SNCAIP: variants seen among roughly 807,000 people sequenced by gnomAD.
The protein encoded by SNCAIP is synuclein alpha interacting protein.
A neutral mutation model predicts 86.7 loss-of-function variants in SNCAIP; 43 were observed. The observed-to-expected ratio is 0.50, with a 90% CI of 0.39 to 0.64. The LOEUF (loss-of-function observed/expected upper bound fraction) is 0.64, where lower values mean the gene tolerates loss of function less well. SNCAIP is among the 30% of genes least tolerant of loss of function. SNCAIP has a pLI of 0.00. For synonymous variants in SNCAIP, 417 were observed against 427.2 expected (o/e 0.98, Z 0.29); for missense variants, 981 against 1,103.1 (o/e 0.89, Z 1.57).
At chr5:122,400,998 C>T in intron 2 of SNCAIP, 1 of 1,549,936 alleles carries the variant, frequency 6.5e-7, no homozygotes, top group Non-Finnish European at 8.7e-7. Flanking sequence ...CAATAGGAGT[C>T]AAGGGAACAG....
intron 1 of SNCAIP, among the ~76,000 whole-genome samples, chr5:122,326,606 C>CTT (rs11297385): frequency 0.032 from 1,328 of 42,140 alleles, 161 homozygotes; most frequent in Admixed American, 0.047. Flanking sequence ...GAAATGTCTC[C>CTT]TTTTTTTTTT....
At chr5:122,433,239 T>C (rs1219739464) in intron 6 of SNCAIP, among the ~76,000 whole-genome samples, 6 of 152,152 alleles carry the variant, frequency 3.9e-5, no homozygotes, top group South Asian at 4.1e-4. Context: ...GCCATTGGAT[T>C]TTGTGTACAT....
At chr5:122,341,631 C>T (rs925105774) in intron 1 of SNCAIP, among the ~76,000 whole-genome samples, 10 of 152,154 alleles carry the variant, frequency 6.6e-5, no homozygotes, top group Admixed American at 1.3e-4. Context: ...TTATTTTGCC[C>T]TTTTATTTGG....
intron 2 of SNCAIP, among the ~76,000 whole-genome samples, chr5:122,396,891 C>A (rs1427190443): frequency 6.6e-6 from 1 of 152,016 alleles, no homozygotes; most frequent in East Asian, 1.9e-4. Context: ...TCTTGTAATT[C>A]TTTTGTCATT....
intron 2 of SNCAIP, among the ~76,000 whole-genome samples, chr5:122,398,892 G>A (rs1448004480): frequency 6.6e-6 from 1 of 152,142 alleles, no homozygotes; most frequent in East Asian, 1.9e-4. Flanking sequence ...TCTCATGCAT[G>A]TTCCAACTGT....
intron 1 of SNCAIP, among the ~76,000 whole-genome samples, chr5:122,315,819 T>C (rs1429704862): frequency 1.3e-5 from 2 of 152,126 alleles, no homozygotes; most frequent in African/African-American, 4.8e-5. Context: ...TGAGCATTGT[T>C]GAAAGTTGAT....
chr5:122,425,596 G>T, intron 5 of SNCAIP, 65 bp downstream of exon 5: 1 of 1,331,894 alleles, frequency 7.5e-7, no homozygotes, highest in Non-Finnish European at 1.1e-6. Flanking sequence ...AAGATTCCTT[G>T]TGAGCTAAAG....
intron 9 of SNCAIP, among the ~76,000 whole-genome samples, chr5:122,450,308 AAC>A (rs1223403833): frequency 4.6e-5 from 7 of 152,234 alleles, no homozygotes; most frequent in African/African-American, 1.7e-4. Context: ...TAAACAGTAA[AAC>A]AGACAAATTT....
At chr5:122,437,025 G>T (rs1365875865) in intron 6 of SNCAIP, 2 of 152,164 alleles carry the variant, frequency 1.3e-5, no homozygotes, top group Admixed American at 6.5e-5. Context: ...GGAAACAAAT[G>T]ATACAGAAAT....
chr5:122,384,411 G>T (rs1012845970), intron 1 of SNCAIP, among the ~76,000 whole-genome samples: 1 of 152,082 alleles, frequency 6.6e-6, no homozygotes, highest in Non-Finnish European at 1.5e-5. Flanking sequence ...TGACACAGAG[G>T]CAGTGTTGCT....
intron 8 of SNCAIP, chr5:122,444,937 A>C: frequency 1.6e-6 from 1 of 615,436 alleles, no homozygotes; most frequent in South Asian, 1.8e-5. Flanking sequence ...AGGATGTCTA[A>C]ACAGTAAAGT....
chr5:122,343,599 T>C (rs763046312), intron 1 of SNCAIP, among the ~76,000 whole-genome samples: 1 of 152,246 alleles, frequency 6.6e-6, no homozygotes, highest in East Asian at 1.9e-4. Context: ...CTCTGTCATA[T>C]ATGTTTTCTC....
At chr5:122,422,316 A>G (rs2152924250) in intron 3 of SNCAIP, among the ~76,000 whole-genome samples, 1 of 152,226 alleles carries the variant, frequency 6.6e-6, no homozygotes, top group South Asian at 2.1e-4. Context: ...AATCCACTTA[A>G]TGGCACACCT....
intron 10 of SNCAIP, among the ~76,000 whole-genome samples, chr5:122,459,200 G>A (rs2153032442): frequency 6.6e-6 from 1 of 152,208 alleles, no homozygotes; most frequent in African/African-American, 2.4e-5. Flanking sequence ...AAACTCTGAG[G>A]GAGATCACAG....
chr5:122,414,108 A>ACC, intron 3 of SNCAIP, among the ~76,000 whole-genome samples: 6 of 151,524 alleles, frequency 4.0e-5, no homozygotes, highest in South Asian at 2.1e-4. Flanking sequence ...TGAGGATCTC[A>ACC]GTGTTACTCA....
intron 3 of SNCAIP, among the ~76,000 whole-genome samples, chr5:122,422,435 C>T (rs1276055893): frequency 6.6e-6 from 1 of 152,148 alleles, no homozygotes; most frequent in Non-Finnish European, 1.5e-5. Context: ...GACATGCACG[C>T]TAATGTGTGT....
chr5:122,459,539 G>C (rs1030638101), intron 10 of SNCAIP, among the ~76,000 whole-genome samples: 6 of 152,012 alleles, frequency 3.9e-5, no homozygotes, highest in African/African-American at 7.3e-5. Context: ...GTAATTGAAG[G>C]GTTCAGGGAG....
chr5:122,357,569 C>T (rs1427983631), intron 1 of SNCAIP, among the ~76,000 whole-genome samples: 1 of 151,854 alleles, frequency 6.6e-6, no homozygotes, highest in Non-Finnish European at 1.5e-5. Context: ...TCCTGACCCA[C>T]CGTATTTAAA....
At chr5:122,337,017 A>G (rs1446605401) in intron 1 of SNCAIP, 1 of 152,188 alleles carries the variant, frequency 6.6e-6, no homozygotes, top group Non-Finnish European at 1.5e-5. Flanking sequence ...TTCTGCCTCC[A>G]TTTAGTCGAT....
Sources: allele counts gnomAD v4.1 joint callset (sites outside exome capture counted in the v4.1 genomes callset), GRCh38; gene constraint gnomAD v4.1.1; transcripts MANE v1.5; gene names NCBI Gene and HGNC (gene_info 2026-07-23, HGNC 2026-07-21).